SCHIP1: variants seen among roughly 807,000 people sequenced by gnomAD.
SCHIP1 encodes the protein schwannomin interacting protein 1.
A neutral mutation model predicts 29.7 loss-of-function variants in SCHIP1; 8 were observed. The observed-to-expected ratio is 0.27, with a 90% CI of 0.16 to 0.49. The LOEUF (loss-of-function observed/expected upper bound fraction) is 0.49, where lower values mean the gene tolerates loss of function less well. Among genes scored for constraint, SCHIP1 ranks in the 20% least tolerant of loss-of-function variants. The pLI is 0.99. For missense variants in SCHIP1, 193 were observed against 294.6 expected, an observed-to-expected ratio of 0.66 and a Z score of 2.52; for synonymous variants, 76 against 94.9, an observed-to-expected ratio of 0.80 and a Z score of 1.16.
the SCHIP1 span, chr3:159,274,610 AT>A: frequency 2.4e-6 from 2 of 833,942 alleles, no homozygotes; most frequent in South Asian, 1.1e-4. Flanking sequence ...AGACTATCAA[AT>A]TTGTAGTTCT....
the SCHIP1 span, among the ~76,000 whole-genome samples, chr3:159,694,586 AAGAAAGAAAGAAAGAAAG>A: frequency 6.6e-6 from 1 of 151,054 alleles, no homozygotes; most frequent in African/African-American, 2.4e-5. Context: ...GAAAGAAAGA[AAGAAAGAAAGAAAGAAAG>A]AAAGGAATTA....
chr3:159,493,578 A>G, the SCHIP1 span, among the ~76,000 whole-genome samples: 2 of 151,864 alleles, frequency 1.3e-5, no homozygotes, highest in South Asian at 4.2e-4. Flanking sequence ...TGCACCCAAT[A>G]CAGGAGCACC....
the SCHIP1 span, among the ~76,000 whole-genome samples, chr3:159,426,965 C>T: frequency 1.3e-5 from 2 of 152,120 alleles, no homozygotes; most frequent in Non-Finnish European, 2.9e-5. Context: ...TCAGAAAAGG[C>T]CTTTGACAAA....
At chr3:159,491,411 C>T in the SCHIP1 span, among the ~76,000 whole-genome samples, 5 of 152,228 alleles carry the variant, frequency 3.3e-5, no homozygotes, top group African/African-American at 1.2e-4. Context: ...CACCCTAATA[C>T]TGCGCTTTTC....
chr3:159,737,965 G>C, the SCHIP1 span, among the ~76,000 whole-genome samples: 1 of 152,156 alleles, frequency 6.6e-6, no homozygotes, highest in Non-Finnish European at 1.5e-5. Context: ...ATTTTGTTAG[G>C]ACCTAGAATC....
chr3:159,556,606 A>T, the SCHIP1 span, among the ~76,000 whole-genome samples: 1 of 151,992 alleles, frequency 6.6e-6, no homozygotes, highest in Non-Finnish European at 1.5e-5. Context: ...GGATGAGTTC[A>T]TGTCCTTTGT....
chr3:159,585,415 C>T, the SCHIP1 span, among the ~76,000 whole-genome samples: 1 of 152,132 alleles, frequency 6.6e-6, no homozygotes, highest in African/African-American at 2.4e-5. Context: ...AATTCTCCTA[C>T]CATTATTTTC....
chr3:159,378,260 C>G, the SCHIP1 span, among the ~76,000 whole-genome samples: 2 of 152,154 alleles, frequency 1.3e-5, no homozygotes, highest in Non-Finnish European at 2.9e-5. Context: ...TTCTGTAGAG[C>G]TGGATCTTCC....
chr3:159,529,281 G>T, the SCHIP1 span, among the ~76,000 whole-genome samples: 1 of 152,068 alleles, frequency 6.6e-6, no homozygotes, highest in East Asian at 1.9e-4. Context: ...TCTTCGCCTA[G>T]TTAACTAAAC....
the SCHIP1 span, among the ~76,000 whole-genome samples, chr3:159,483,553 T>C: frequency 1.3e-5 from 2 of 152,184 alleles, no homozygotes; most frequent in Non-Finnish European, 2.9e-5. Flanking sequence ...AAAAATACTT[T>C]TGATTTGGAG....
the SCHIP1 span, among the ~76,000 whole-genome samples, chr3:159,607,412 G>A: frequency 2.0e-5 from 3 of 152,118 alleles, no homozygotes; most frequent in Non-Finnish European, 2.9e-5. Flanking sequence ...TCAGTAGAAA[G>A]CTAAATTCCA....
chr3:159,696,515 A>G, the SCHIP1 span, among the ~76,000 whole-genome samples: 1 of 152,216 alleles, frequency 6.6e-6, no homozygotes, highest in East Asian at 1.9e-4. Flanking sequence ...AGATACCTCT[A>G]CTAGAGCACT....
chr3:159,438,042 A>C, the SCHIP1 span, among the ~76,000 whole-genome samples: 3 of 152,150 alleles, frequency 2.0e-5, no homozygotes, highest in Non-Finnish European at 4.4e-5. Flanking sequence ...ATATATGTAA[A>C]GTGCTTATAC....
chr3:159,546,610 C>G, the SCHIP1 span, among the ~76,000 whole-genome samples: 3 of 152,084 alleles, frequency 2.0e-5, no homozygotes, highest in Admixed American at 6.6e-5. Context: ...GTGTGATGTT[C>G]CCCTCCCTGT....
At chr3:159,735,969 A>C in the SCHIP1 span, among the ~76,000 whole-genome samples, 1 of 150,896 alleles carries the variant, frequency 6.6e-6, no homozygotes, top group African/African-American at 2.4e-5. Flanking sequence ...GAATGATAAT[A>C]ACACTTATGC....
intron 1 of SCHIP1, among the ~76,000 whole-genome samples, chr3:159,841,249 C>A (rs140189901): frequency 6.6e-6 from 1 of 152,148 alleles, no homozygotes; most frequent in African/African-American, 2.4e-5. Flanking sequence ...AGCTAAGTAA[C>A]GTGTGCCTAT....
chr3:159,691,170 C>G, the SCHIP1 span, among the ~76,000 whole-genome samples: 2 of 152,122 alleles, frequency 1.3e-5, no homozygotes, highest in African/African-American at 4.8e-5. Flanking sequence ...TCTCATTGAT[C>G]TAATATTGAC....
At chr3:159,647,302 G>A in the SCHIP1 span, among the ~76,000 whole-genome samples, 1 of 152,144 alleles carries the variant, frequency 6.6e-6, no homozygotes, top group Non-Finnish European at 1.5e-5. Flanking sequence ...GGCCATGAGA[G>A]AAATGAGTTC....
At chr3:159,432,339 TGAGA>T in the SCHIP1 span, among the ~76,000 whole-genome samples, 669 of 69,320 alleles carry the variant, frequency 9.7e-3, 11 homozygotes, top group Non-Finnish European at 0.016. Context: ...TGTGTGTGTG[TGAGA>T]GAGAGAGAGA....
Sources: gnomAD v4.1 joint callset for allele counts (sites outside exome capture counted in the v4.1 genomes callset) on GRCh38, gnomAD v4.1.1 for gene constraint, MANE v1.5 for transcripts, NCBI Gene and HGNC (gene_info 2026-07-23, HGNC 2026-07-21) for gene names.